Variants in SPRED1 observed in about 807,000 individuals in gnomAD.
SPRED1 encodes sprouty related EVH1 domain containing 1.
A neutral mutation model predicts 52.3 loss-of-function variants in SPRED1; 18 were observed. The observed-to-expected ratio is 0.34, with a 90% CI of 0.24 to 0.51. The LOEUF (loss-of-function observed/expected upper bound fraction) is 0.51, where lower values mean the gene tolerates loss of function less well. SPRED1 is among the 20% of genes least tolerant of loss of function. The pLI is 0.97. For missense variants in SPRED1, 485 were observed against 551.0 expected (o/e 0.88, Z 1.20); for synonymous variants, 155 against 179.7 (o/e 0.86, Z 1.10).
intron 1 of SPRED1, among the ~76,000 whole-genome samples, chr15:38,274,642 T>C (rs1287150912): frequency 2.0e-5 from 3 of 152,238 alleles, no homozygotes; most frequent in Non-Finnish European, 2.9e-5. Flanking sequence ...ATTGATATTA[T>C]TGAAATTTCA....
At chr15:38,311,196 CATT>C (rs1895360110) in intron 2 of SPRED1, among the ~76,000 whole-genome samples, 1 of 152,084 alleles carries the variant, frequency 6.6e-6, no homozygotes, top group East Asian at 1.9e-4. Context: ...CAATTGATCA[CATT>C]AGCCTGTTGA....
At chr15:38,335,262 A>G (rs959295348) in intron 4 of SPRED1, among the ~76,000 whole-genome samples, 1 of 152,088 alleles carries the variant, frequency 6.6e-6, no homozygotes, top group African/African-American at 2.4e-5. Context: ...CAGTCTTCCA[A>G]CAAAGCTTTG....
chr15:38,265,221 A>G (rs904150967), intron 1 of SPRED1, among the ~76,000 whole-genome samples: 7 of 152,148 alleles, frequency 4.6e-5, no homozygotes, highest in African/African-American at 1.7e-4. Context: ...CCTTTTATCT[A>G]TAAAACCAGG....
At chr15:38,305,488 G>A (rs1299861382) in intron 2 of SPRED1, among the ~76,000 whole-genome samples, 1 of 151,490 alleles carries the variant, frequency 6.6e-6, no homozygotes, top group Non-Finnish European at 1.5e-5. Context: ...CTCAGTTCTT[G>A]AGGTAGTATA....
At chr15:38,336,835 G>A (rs2141005511) in intron 4 of SPRED1, among the ~76,000 whole-genome samples, 1 of 152,190 alleles carries the variant, frequency 6.6e-6, no homozygotes, top group Non-Finnish European at 1.5e-5. Context: ...TGGGTACAGT[G>A]TACACTGTTT....
At chr15:38,333,772 A>G (rs1321047993) in intron 4 of SPRED1, among the ~76,000 whole-genome samples, 3 of 152,118 alleles carry the variant, frequency 2.0e-5, no homozygotes. Context: ...ACTTTTTGTC[A>G]TATATACCAT....
intron 1 of SPRED1, among the ~76,000 whole-genome samples, chr15:38,268,466 C>G (rs1239654968): frequency 6.6e-6 from 1 of 152,132 alleles, no homozygotes; most frequent in African/African-American, 2.4e-5. Flanking sequence ...TGTGTTGTCA[C>G]AGTAAGTCTA....
chr15:38,346,092 C>G (rs1896130000), intron 5 of SPRED1, among the ~76,000 whole-genome samples: 1 of 152,096 alleles, frequency 6.6e-6, no homozygotes, highest in Non-Finnish European at 1.5e-5. Context: ...AGTCCCAGCA[C>G]TATGGGAGGT....
chr15:38,303,409 T>C (rs10162984), intron 2 of SPRED1, among the ~76,000 whole-genome samples: 237 of 152,306 alleles, frequency 1.6e-3, no homozygotes, highest in African/African-American at 5.4e-3. Flanking sequence ...TAATGGTTCT[T>C]CTCTGTAAGT....
chr15:38,324,126 A>G (rs989279268), intron 3 of SPRED1, among the ~76,000 whole-genome samples: 2 of 152,182 alleles, frequency 1.3e-5, no homozygotes, highest in Non-Finnish European at 2.9e-5. Flanking sequence ...ATTTCTTCTT[A>G]TCTCATGCCT....
At chr15:38,258,835 T>TTA (rs1301808439) in intron 1 of SPRED1, among the ~76,000 whole-genome samples, 1 of 152,228 alleles carries the variant, frequency 6.6e-6, no homozygotes, top group African/African-American at 2.4e-5. Flanking sequence ...TATTTAACTC[T>TTA]TACCATCTTC....
intron 2 of SPRED1, among the ~76,000 whole-genome samples, chr15:38,318,859 A>C (rs1470377603): frequency 1.3e-5 from 2 of 152,156 alleles, no homozygotes; most frequent in Non-Finnish European, 2.9e-5. Flanking sequence ...ATTGATGGAC[A>C]CCTAGGTTGA....
At chr15:38,321,696 C>CAA (rs1203817710) in intron 2 of SPRED1, among the ~76,000 whole-genome samples, 42 of 152,112 alleles carry the variant, frequency 2.8e-4, no homozygotes, top group African/African-American at 8.0e-4. Flanking sequence ...TGGGCTCAGA[C>CAA]GATTCTCCTG....
rs747836383 is a variant in SPRED1 at position 38,353,986 on chromosome 15, G to C, written c.*2322G>C. On this transcript the variant is annotated 3_prime_UTR_variant, in exon 7 of 7. Transcript: ENST00000299084. ...ACCACTTTGCTGCTAAGATTTTGCC[G>C]TCCCATTCCCATTTTTTCCTTTACA... 6.6e-6 allele frequency: 1 copy of C among 152,460 alleles called. No homozygotes were observed. The allele number at this position is 152,460 out of a possible 1,614,324, so 9.4% of individuals were successfully genotyped here.
At chr15:38,259,062 A>T (rs570299709) in intron 1 of SPRED1, among the ~76,000 whole-genome samples, 8 of 152,270 alleles carry the variant, frequency 5.3e-5, no homozygotes. Flanking sequence ...GTTATTTTTG[A>T]CATACTTAAA....
At chr15:38,342,028 G>GGT (rs1896040713) in intron 5 of SPRED1, among the ~76,000 whole-genome samples, 1 of 107,624 alleles carries the variant, frequency 9.3e-6, no homozygotes, top group Non-Finnish European at 2.0e-5. Flanking sequence ...TTGGGTTTGG[G>GGT]TTTTTTTTTT....
intron 1 of SPRED1, among the ~76,000 whole-genome samples, chr15:38,266,112 C>G (rs1424885149): frequency 6.6e-6 from 1 of 152,114 alleles, no homozygotes; most frequent in East Asian, 1.9e-4. Flanking sequence ...TCCTAGCATT[C>G]TGAAAAAACT....
intron 5 of SPRED1, among the ~76,000 whole-genome samples, chr15:38,348,489 GAT>G (rs1393453434): frequency 1.3e-5 from 2 of 151,888 alleles, no homozygotes; most frequent in Non-Finnish European, 2.9e-5. Context: ...TTTTTTTTAT[GAT>G]AGTTAACTTT....
intron 5 of SPRED1, among the ~76,000 whole-genome samples, chr15:38,348,146 A>G (rs762594961): frequency 9.2e-5 from 14 of 151,980 alleles, no homozygotes; most frequent in Non-Finnish European, 1.6e-4. Flanking sequence ...ATTGTGTTCT[A>G]TCAGGAAAAA....
Sources: allele counts gnomAD v4.1 joint callset (sites outside exome capture counted in the v4.1 genomes callset), GRCh38; gene constraint gnomAD v4.1.1; transcripts MANE v1.5; gene names NCBI Gene and HGNC (gene_info 2026-07-23, HGNC 2026-07-21).